DSE: variants seen among roughly 807,000 people sequenced by gnomAD.
DSE encodes dermatan-sulfate epimerase.
Under a neutral mutation model 84.4 loss-of-function variants are expected in DSE, and 36 were observed. The observed-to-expected ratio is 0.43, with a 90% CI of 0.33 to 0.56. The LOEUF is 0.56. Among genes scored for constraint, DSE ranks in the 20% least tolerant of loss-of-function variants. DSE has a pLI of 0.06. For missense variants in DSE, 862 were observed against 1,169.6 expected (o/e 0.74, Z 3.84); for synonymous variants, 410 against 430.1 (o/e 0.95, Z 0.58).
At position 116,329,972 on chromosome 6, in the gene DSE, T is replaced by C. The variant is rs1052632552; in HGVS notation, c.-53-69226T>C. On this transcript the variant is annotated intron_variant, in intron 2 of 3. Coordinates refer to the DSE transcript ENST00000430252. ...CCGGGTAGCTGGGATTACAGGCGCCTACCATCACGCCCAGCTGATTTTTTG... is the reference window on the plus strand; with the variant it reads ...CCGGGTAGCTGGGATTACAGGCGCCCACCATCACGCCCAGCTGATTTTTTG... Among the ~76,000 whole-genome samples the C allele has an allele frequency of 2.6e-5, 4 of 152,086 alleles. No homozygotes were observed. In the East Asian group the frequency reaches 7.7e-4, roughly 29 times the overall value.
chr6:116,308,679 T>G (rs775057453), intron 2 of DSE, among the ~76,000 whole-genome samples: 4 of 152,156 alleles, frequency 2.6e-5, no homozygotes, highest in Non-Finnish European at 4.4e-5. Flanking sequence ...ATTTTTTTGT[T>G]TTTTGGGGTT....
intron 2 of DSE, among the ~76,000 whole-genome samples, chr6:116,320,441 A>T (rs1047720172): frequency 3.3e-5 from 5 of 151,650 alleles, no homozygotes; most frequent in African/African-American, 1.2e-4. Context: ...ATACTAGATA[A>T]GTCAGAAAAT....
At chr6:116,291,400 G>T (rs568831576) in intron 2 of DSE, among the ~76,000 whole-genome samples, 5 of 151,630 alleles carry the variant, frequency 3.3e-5, no homozygotes, top group African/African-American at 9.7e-5. Context: ...TAAGAGAGAG[G>T]GGGTGAAAAT....
intron 1 of DSE, among the ~76,000 whole-genome samples, chr6:116,384,909 A>G (rs560500956): frequency 2.0e-5 from 3 of 152,338 alleles, no homozygotes; most frequent in African/African-American, 7.2e-5. Context: ...TGCCATGAAG[A>G]GAAATAAAAC....
chr6:116,294,663 G>A (rs533429759), intron 2 of DSE, among the ~76,000 whole-genome samples: 1 of 152,260 alleles, frequency 6.6e-6, no homozygotes, highest in Non-Finnish European at 1.5e-5. Flanking sequence ...TGTCAGGAAA[G>A]TCCTGCAAGT....
intron 2 of DSE, among the ~76,000 whole-genome samples, chr6:116,345,335 G>A (rs1350392754): frequency 6.6e-6 from 1 of 152,090 alleles, no homozygotes; most frequent in Non-Finnish European, 1.5e-5. Context: ...GCACCGTATT[G>A]CACTTATTCC....
intron 2 of DSE, among the ~76,000 whole-genome samples, chr6:116,350,689 G>A (rs1181112864): frequency 6.6e-6 from 1 of 152,118 alleles, no homozygotes; most frequent in Non-Finnish European, 1.5e-5. Context: ...GGACAGAAAA[G>A]TATATGACTC....
intron 2 of DSE, among the ~76,000 whole-genome samples, chr6:116,363,377 T>TTG (rs58017442): frequency 0.074 from 11,115 of 151,002 alleles, 1,256 homozygotes; most frequent in African/African-American, 0.25. Flanking sequence ...TGTGTGTGCT[T>TTG]TGTGTGTGTG....
chr6:116,327,032 CTGTAGAAGCCT>C (rs1276101271), intron 2 of DSE, among the ~76,000 whole-genome samples: 7 of 152,176 alleles, frequency 4.6e-5, no homozygotes, highest in African/African-American at 1.4e-4. Context: ...TTCAGGCCTT[CTGTAGAAGCCT>C]TCTAACTCGA....
chr6:116,436,101 T>C lies in DSE; in HGVS notation c.1633T>C (p.Tyr545His). ...VFIRGEGVGA[Y>H]NPQLNLKNVQ... ...CATCCGAGGAGAAGGTGTGGGAGCT[T>C]ATAACCCCCAGCTCAACCTGAAGAA... The change falls in exon 6 of 6, where the codon TAT becomes CAT. Residue 545 changes from tyrosine (Y) to histidine (H), a missense_variant. Physicochemically the swap from Tyr to His is moderately conservative, Grantham distance 83 (BLOSUM62 2). Around this residue, in one of 4 missense-constraint regions of DSE, gnomAD observed 186 missense variants for 255.1 expected, o/e 0.73. Coordinates refer to ENST00000644252, the MANE Select transcript of DSE (RefSeq NM_013352.4). 1 of 1,613,032 alleles carries C rather than the reference T, an allele frequency of 6.2e-7. No homozygotes were observed. The highest frequency in any genetic ancestry group is 8.5e-7 in the Non-Finnish European group (1 of 1,180,002).
chr6:116,394,438 A>ATT (rs36065645), intron 1 of DSE, among the ~76,000 whole-genome samples: 345 of 147,244 alleles, frequency 2.3e-3, no homozygotes, highest in African/African-American at 6.6e-3. Flanking sequence ...TAACAGCGTG[A>ATT]TTTTTTTTTT....
chr6:116,443,190 T>C lies in DSE; in HGVS notation c.*5845T>C, dbSNP rs971637617. On this transcript the variant is annotated 3_prime_UTR_variant, in exon 6 of 6. Coordinates refer to ENST00000644252, the MANE Select transcript of DSE (RefSeq NM_013352.4). ...GTCTGGAGAGGGAATGTTTAACTCC[T>C]AGCCCACAGGCAAAATGTGTGGCCA... 3 of 152,236 alleles carry C rather than the reference T, an allele frequency of 2.0e-5. No individual in the cohort carries two copies. Among genetic ancestry groups the C allele is most frequent in the African/African-American group, 4.8e-5 (2 of 41,458 alleles). 9.4% of individuals were successfully genotyped at this position (152,236 alleles called of 1,614,324 possible).
chr6:116,397,046 G>A (rs1781295734), intron 1 of DSE, among the ~76,000 whole-genome samples: 1 of 152,044 alleles, frequency 6.6e-6, no homozygotes. Context: ...TTCACTGCAT[G>A]TACGTTGGGT....
At chr6:116,426,930 C>A in intron 3 of DSE, 103 bp downstream of exon 3, 1 of 1,442,816 alleles carries the variant, frequency 6.9e-7, no homozygotes, top group South Asian at 1.4e-5. Flanking sequence ...CATGTTCATA[C>A]TTGGATCCTA....
upstream of DSE, chr6:116,370,414 T>C (rs986817609): frequency 3.0e-6 from 3 of 984,232 alleles, no homozygotes; most frequent in African/African-American, 5.3e-5. Flanking sequence ...AACTTCTCTT[T>C]GAGAAGAGAG....
Position 116,399,232 on chromosome 6 carries a change from T to G in DSE, c.-19T>G. The G allele has an allele frequency of 1.9e-6, 3 of 1,613,308 alleles. No homozygotes were observed. Among genetic ancestry groups the G allele is most frequent in the Middle Eastern group, 1.6e-4 (1 of 6,062 alleles). On this transcript the variant is annotated 5_prime_UTR_variant, in exon 2 of 6. It adds an upstream start codon to the 5' untranslated region. Coordinates refer to ENST00000644252, the MANE Select transcript of DSE (RefSeq NM_013352.4). Reference sequence around the variant, plus strand: ...AAGATGGTTTGGCTGCCTTGGAGATTTGGAGATCTGATGCCACGATGAGGA... The same window carrying G: ...AAGATGGTTTGGCTGCCTTGGAGATGTGGAGATCTGATGCCACGATGAGGA...
chr6:116,261,170 T>G (rs1772397489), intron 2 of DSE, among the ~76,000 whole-genome samples: 1 of 152,176 alleles, frequency 6.6e-6, no homozygotes, highest in African/African-American at 2.4e-5. Flanking sequence ...GTTTTGTCGT[T>G]ATCCTTGTAG....
intron 2 of DSE, among the ~76,000 whole-genome samples, chr6:116,361,214 C>T (rs1015001885): frequency 1.3e-5 from 2 of 152,004 alleles, no homozygotes; most frequent in African/African-American, 2.4e-5. Context: ...TGTACGCCAC[C>T]ACGCCTGGGT....
At chr6:116,303,906 T>A (rs1219493840) in intron 2 of DSE, among the ~76,000 whole-genome samples, 1 of 151,748 alleles carries the variant, frequency 6.6e-6, no homozygotes, top group Non-Finnish European at 1.5e-5. Flanking sequence ...GAGGCCAAGG[T>A]GGGCAGATCA....
Sources: allele counts gnomAD v4.1 joint callset (sites outside exome capture counted in the v4.1 genomes callset), GRCh38; gene constraint gnomAD v4.1.1; regional missense constraint gnomAD v4.1.1; transcripts MANE v1.5; gene names NCBI Gene and HGNC (gene_info 2026-07-23, HGNC 2026-07-21).